GPC5: variants seen among roughly 807,000 people sequenced by gnomAD.
GPC5 encodes the protein glypican-5.
In GPC5, 47 loss-of-function variants were observed where a neutral mutation model predicts 53.9. That is an observed-to-expected ratio of 0.87 (90% CI 0.69 to 1.11). GPC5 has a LOEUF of 1.11. Ranked by LOEUF, GPC5 falls within the 50% of genes most tolerant of loss-of-function variation. GPC5 has a pLI of 0.00. For missense variants in GPC5, 748 were observed against 713.1 expected (o/e 1.05, Z -0.56); for synonymous variants, 286 against 263.3 (o/e 1.09, Z -0.84).
rs370960552 is a variant in GPC5, at chr13:92,440,881, T to A, written c.1561+295892T>A. ...CTTATGTTTGTTGGCCACTTGTATA[T>A]CTTCTTTTGAGAAGTGTCTGTCCAT... On this transcript the variant is annotated intron_variant, in intron 7 of 7. Coordinates refer to ENST00000377067, the MANE Select transcript of GPC5 (RefSeq NM_004466.6). 1.8e-4 allele frequency among the ~76,000 whole-genome samples: 27 copies of A among 152,334 alleles called. No individual in the cohort carries two copies. In the South Asian group the frequency reaches 5.4e-3, roughly 30 times the overall value.
chr13:92,229,983 G>T (rs1444072417), intron 7 of GPC5, among the ~76,000 whole-genome samples: 3 of 151,948 alleles, frequency 2.0e-5, no homozygotes, highest in African/African-American at 7.2e-5. Flanking sequence ...CTTTTGATAT[G>T]CTAATACCTC....
chr13:91,815,503 A>G (rs2038385655), intron 5 of GPC5, among the ~76,000 whole-genome samples: 1 of 152,200 alleles, frequency 6.6e-6, no homozygotes, highest in Non-Finnish European at 1.5e-5. Context: ...ACACACAAAA[A>G]ATGATATAGA....
chr13:91,918,121 C>A (rs1345192461), intron 6 of GPC5, among the ~76,000 whole-genome samples: 2 of 152,244 alleles, frequency 1.3e-5, no homozygotes, highest in South Asian at 4.1e-4. Context: ...ACAGAAGGCA[C>A]CTCTTCACAG....
intron 2 of GPC5, among the ~76,000 whole-genome samples, chr13:91,542,340 G>T (rs1014973571): frequency 2.6e-5 from 4 of 152,146 alleles, no homozygotes; most frequent in Admixed American, 6.5e-5. Flanking sequence ...ATTTAAGGAA[G>T]GAATTAACTA....
chr13:92,480,040 G>A lies in GPC5; in HGVS notation c.1561+335051G>A, dbSNP rs183734422. ...GCTGGTTCATGACTGTAATCCCAGT[G>A]CTTTAGGAGGTGGAGCTGGGAGGAT... On this transcript the variant is annotated intron_variant, in intron 7 of 7. Transcript: ENST00000377067. Among the ~76,000 whole-genome samples, 32 of 152,254 alleles carry A rather than the reference G, an allele frequency of 2.1e-4. No homozygotes were observed. In the East Asian group the frequency reaches 5.4e-3, roughly 26 times the overall value.
At chr13:91,456,030 T>C (rs890693250) in intron 2 of GPC5, among the ~76,000 whole-genome samples, 3 of 152,106 alleles carry the variant, frequency 2.0e-5, no homozygotes, top group Non-Finnish European at 4.4e-5. Flanking sequence ...CTCAGCTCAT[T>C]CTCTCTGGCC....
chr13:92,482,954 G>A, intron 7 of GPC5, among the ~76,000 whole-genome samples: 1 of 152,176 alleles, frequency 6.6e-6, no homozygotes, highest in East Asian at 1.9e-4. Flanking sequence ...TGGCTGGGGA[G>A]ACCTCACAAT....
At chr13:91,826,825 G>C (rs2038582880) in intron 5 of GPC5, among the ~76,000 whole-genome samples, 1 of 152,044 alleles carries the variant, frequency 6.6e-6, no homozygotes, top group African/African-American at 2.4e-5. Flanking sequence ...GTGTTTGTGT[G>C]TGTATGTATG....
chr13:92,613,358 AATATATTTATATATAAATATATT>A (rs1566320154), intron 7 of GPC5, among the ~76,000 whole-genome samples: 2 of 90,744 alleles, frequency 2.2e-5, no homozygotes, highest in African/African-American at 4.5e-5. Context: ...ATAAATATAT[AATATATTTATATATAAATATATT>A]ATATTATATA....
At chr13:92,300,336 G>C (rs955117754) in intron 7 of GPC5, among the ~76,000 whole-genome samples, 24 of 152,090 alleles carry the variant, frequency 1.6e-4, no homozygotes, top group Non-Finnish European at 3.2e-4. Flanking sequence ...CTAAAGCAGT[G>C]GTTCTCAAAC....
intron 7 of GPC5, among the ~76,000 whole-genome samples, chr13:92,356,376 T>C (rs1194771840): frequency 6.6e-6 from 1 of 152,198 alleles, no homozygotes. Context: ...ATTAGAGCTA[T>C]TGTTGGCTTT....
At chr13:92,394,516 G>T (rs901749368) in intron 7 of GPC5, among the ~76,000 whole-genome samples, 1 of 151,980 alleles carries the variant, frequency 6.6e-6, no homozygotes, top group Non-Finnish European at 1.5e-5. Context: ...TATGAAAGAG[G>T]GTCCTCACCA....
At chr13:92,649,980 T>C (rs902753272) in intron 7 of GPC5, among the ~76,000 whole-genome samples, 1 of 152,150 alleles carries the variant, frequency 6.6e-6, no homozygotes, top group Non-Finnish European at 1.5e-5. Flanking sequence ...AGTCTTATTA[T>C]TTAGAAAACC....
intron 2 of GPC5, among the ~76,000 whole-genome samples, chr13:91,593,836 T>C (rs898060864): frequency 6.6e-6 from 1 of 151,844 alleles, no homozygotes; most frequent in Non-Finnish European, 1.5e-5. Context: ...AATAAAATAA[T>C]GTGTGGCCTG....
intron 2 of GPC5, among the ~76,000 whole-genome samples, chr13:91,612,473 C>T (rs968464993): frequency 1.3e-5 from 2 of 152,104 alleles, no homozygotes; most frequent in Admixed American, 6.5e-5. Flanking sequence ...TGTCCAGATT[C>T]TATGGAGCAG....
At chr13:91,473,342 G>C (rs763836384) in intron 2 of GPC5, among the ~76,000 whole-genome samples, 1 of 151,980 alleles carries the variant, frequency 6.6e-6, no homozygotes, top group African/African-American at 2.4e-5. Context: ...GGAAGCTAAT[G>C]AATAATTACA....
chr13:92,470,204 G>T (rs1467264424), intron 7 of GPC5, among the ~76,000 whole-genome samples: 1 of 151,996 alleles, frequency 6.6e-6, no homozygotes, highest in Non-Finnish European at 1.5e-5. Context: ...ACATATAAAT[G>T]GTCCCATTAA....
At chr13:91,812,374 A>T (rs2038326377) in intron 5 of GPC5, among the ~76,000 whole-genome samples, 1 of 152,192 alleles carries the variant, frequency 6.6e-6, no homozygotes, top group African/African-American at 2.4e-5. Flanking sequence ...TAGGAAAATG[A>T]AAAAGCAAGA....
chr13:92,463,607 AT>A (rs5805746), intron 7 of GPC5, among the ~76,000 whole-genome samples: 1 of 151,718 alleles, frequency 6.6e-6, no homozygotes, highest in African/African-American at 2.4e-5. Flanking sequence ...TTGGAGGAAG[AT>A]TTTTTTTTAA....
Sources: gnomAD v4.1 joint callset for allele counts (sites outside exome capture counted in the v4.1 genomes callset) on GRCh38, gnomAD v4.1.1 for gene constraint, MANE v1.5 for transcripts, NCBI Gene and HGNC (gene_info 2026-07-23, HGNC 2026-07-21) for gene names.